Variants in NCKAP5 observed in about 807,000 individuals in gnomAD.
NCKAP5 encodes nck-associated protein 5.
NCKAP5 carries 92 observed loss-of-function variants against 167.0 expected under a neutral mutation model. That is an observed-to-expected ratio of 0.55 (90% CI 0.47 to 0.66). NCKAP5 has a LOEUF of 0.66. Ranked by LOEUF, NCKAP5 falls within the 30% of genes least tolerant of loss-of-function variation. The pLI, the probability that NCKAP5 is intolerant of heterozygous loss-of-function variation, is 0.00. For missense variants in NCKAP5, 2,378 were observed against 2,315.0 expected (o/e 1.03, Z -0.56); for synonymous variants, 891 against 877.4 (o/e 1.02, Z -0.27).
At chr2:133,622,016 A>G in the NCKAP5 span, among the ~76,000 whole-genome samples, 1 of 152,202 alleles carries the variant, frequency 6.6e-6, no homozygotes, top group Non-Finnish European at 1.5e-5. Context: ...CCACATAAAC[A>G]TAATTAAAAA....
chr2:132,987,534 T>C (rs767816629), intron 7 of NCKAP5, among the ~76,000 whole-genome samples: 2 of 152,218 alleles, frequency 1.3e-5, no homozygotes, highest in Non-Finnish European at 2.9e-5. Context: ...TAGATCACTT[T>C]AAATGGAAAT....
intron 8 of NCKAP5, among the ~76,000 whole-genome samples, chr2:132,961,353 T>C (rs573340040): frequency 5.9e-5 from 9 of 151,660 alleles, no homozygotes; most frequent in Non-Finnish European, 1.2e-4. Flanking sequence ...TACAAACATA[T>C]ATTTGTATTT....
chr2:132,771,668 G>C (rs1682060714), intron 16 of NCKAP5, among the ~76,000 whole-genome samples: 1 of 146,958 alleles, frequency 6.8e-6, no homozygotes, highest in South Asian at 2.2e-4. Flanking sequence ...GTTTATCTTT[G>C]ATGCTAATTG....
chr2:132,827,632 C>T lies in NCKAP5; in HGVS notation c.808-30903G>A, dbSNP rs138339134. The stretch of plus-strand genomic sequence containing the variant: ...GTAGTAGAGGGATAAAATACCTTGT[C>T]CAAGTTAAAAACCTAGACAGTCTGG... On this transcript the variant is annotated intron_variant, in intron 11 of 19. Coordinates refer to ENST00000409261, the MANE Select transcript of NCKAP5 (RefSeq NM_207363.3). Among the ~76,000 whole-genome samples the T allele has an allele frequency of 4.4e-3, 669 of 152,232 alleles. 6 individuals are homozygous for T. The highest frequency in any genetic ancestry group is 0.015 in the African/African-American group (638 of 41,544).
chr2:132,690,403 TG>T (rs1336364779), intron 19 of NCKAP5, among the ~76,000 whole-genome samples: 1 of 152,194 alleles, frequency 6.6e-6, no homozygotes, highest in African/African-American at 2.4e-5. Context: ...TGGACTTACT[TG>T]TTTTTATTCA....
rs546365010 is a variant in NCKAP5, at chr2:133,132,969, C to T, written c.208-2858G>A. On this transcript the variant is annotated intron_variant, in intron 5 of 19. Transcript: ENST00000409261. ...GGGATTATAGGCGTTAGCCACCACG[C>T]CCAGCCTGTACCCAAATTTAAAAAC... is the stretch of plus-strand genomic sequence containing the variant. 5.9e-5 allele frequency among the ~76,000 whole-genome samples: 9 copies of T among 152,232 alleles called. No individual in the cohort carries two copies. In the South Asian group the frequency reaches 1.9e-3, roughly 32 times the overall value.
chr2:133,592,278 T>C, the NCKAP5 span, among the ~76,000 whole-genome samples: 1 of 152,222 alleles, frequency 6.6e-6, no homozygotes, highest in African/African-American at 2.4e-5. Context: ...TATGTCACTC[T>C]AGTCAGAGAA....
chr2:132,703,063 C>T (rs1323058135), intron 19 of NCKAP5, among the ~76,000 whole-genome samples: 1 of 151,964 alleles, frequency 6.6e-6, no homozygotes, highest in African/African-American at 2.4e-5. Context: ...TGCCTGCAGT[C>T]CTAGCTACTT....
At chr2:133,327,186 G>T (rs1682513369) in intron 3 of NCKAP5, among the ~76,000 whole-genome samples, 1 of 152,186 alleles carries the variant, frequency 6.6e-6, no homozygotes, top group South Asian at 2.1e-4. Flanking sequence ...CTAATTTAGA[G>T]TTCTAGGCCG....
intron 8 of NCKAP5, among the ~76,000 whole-genome samples, chr2:132,901,526 A>C (rs991680969): frequency 1.3e-5 from 2 of 152,252 alleles, no homozygotes; most frequent in Non-Finnish European, 2.9e-5. Flanking sequence ...AATTAGCAAA[A>C]TAATACCCAC....
chr2:132,748,028 G>A (rs1004277040), intron 16 of NCKAP5, among the ~76,000 whole-genome samples: 1 of 152,182 alleles, frequency 6.6e-6, no homozygotes, highest in Non-Finnish European at 1.5e-5. Flanking sequence ...AATGGTATTA[G>A]CTCACAGTGC....
chr2:133,642,750 A>C, the NCKAP5 span, among the ~76,000 whole-genome samples: 1 of 152,252 alleles, frequency 6.6e-6, no homozygotes, highest in Admixed American at 6.5e-5. Flanking sequence ...TGTAGTGAGA[A>C]ATCCAACTGC....
intron 16 of NCKAP5, among the ~76,000 whole-genome samples, chr2:132,733,548 G>A (rs975333495): frequency 3.9e-5 from 6 of 152,140 alleles, no homozygotes; most frequent in African/African-American, 1.2e-4. Context: ...AATTTAGAAT[G>A]GCACTAAGCA....
intron 15 of NCKAP5, among the ~76,000 whole-genome samples, chr2:132,780,026 T>C (rs4953988): frequency 0.63 from 95,454 of 152,118 alleles, 31,329 homozygotes; most frequent in East Asian, 0.88. Context: ...TGAATACTAT[T>C]AAATTATTTA....
the NCKAP5 span, among the ~76,000 whole-genome samples, chr2:133,615,689 C>T: frequency 6.6e-6 from 1 of 152,130 alleles, no homozygotes; most frequent in Non-Finnish European, 1.5e-5. Flanking sequence ...TAGACCCCCA[C>T]ACATTAATAA....
At chr2:132,914,794 G>T (rs1192423221) in intron 8 of NCKAP5, among the ~76,000 whole-genome samples, 1 of 151,992 alleles carries the variant, frequency 6.6e-6, no homozygotes, top group African/African-American at 2.4e-5. Flanking sequence ...CGTGAATGCT[G>T]CTCAAGGCCA....
At chr2:132,833,146 C>T (rs1393455714) in intron 11 of NCKAP5, among the ~76,000 whole-genome samples, 2 of 152,040 alleles carry the variant, frequency 1.3e-5, no homozygotes. Context: ...TTTTCATATA[C>T]CTGTTGGTCA....
rs144286910 is a variant in NCKAP5 at position 133,479,627 on chromosome 2, A to T, written c.69+37831T>A. 1.6e-3 allele frequency among the ~76,000 whole-genome samples: 246 copies of T among 152,374 alleles called. 1 individual carries two copies. The highest frequency in any genetic ancestry group is 3.1e-3 in the South Asian group (15 of 4,828). ...ATGTACTTCATAAATATGTACAAACAGTATGTATCAACAAAAATAGAACAA... is the reference window on the plus strand; with the variant it reads ...ATGTACTTCATAAATATGTACAAACTGTATGTATCAACAAAAATAGAACAA... On this transcript the variant is annotated intron_variant, in intron 3 of 19. Coordinates refer to ENST00000409261, the MANE Select transcript of NCKAP5 (RefSeq NM_207363.3).
chr2:132,971,960 T>C (rs1573595419), intron 7 of NCKAP5, among the ~76,000 whole-genome samples: 1 of 152,342 alleles, frequency 6.6e-6, no homozygotes, highest in Admixed American at 6.5e-5. Flanking sequence ...ACAAACACAC[T>C]TGAGCATAGA....
Sources: allele counts gnomAD v4.1 joint callset (sites outside exome capture counted in the v4.1 genomes callset), GRCh38; gene constraint gnomAD v4.1.1; transcripts MANE v1.5; gene names NCBI Gene and HGNC (gene_info 2026-07-23, HGNC 2026-07-21).